Variants in XKR6 observed in about 807,000 individuals in gnomAD.
The protein encoded by XKR6 is XK-related protein 6.
In XKR6, 22 loss-of-function variants were observed where a neutral mutation model predicts 56.7. The observed-to-expected ratio is 0.39, with a 90% CI of 0.28 to 0.55. The LOEUF (loss-of-function observed/expected upper bound fraction) is 0.55, where lower values mean the gene tolerates loss of function less well. XKR6 is among the 20% of genes least tolerant of loss of function. The pLI is 0.66. For synonymous variants in XKR6, 524 were observed against 387.8 expected, an observed-to-expected ratio of 1.35 and a Z score of -4.13; for missense variants, 852 against 889.0, an observed-to-expected ratio of 0.96 and a Z score of 0.53.
At chr8:11,169,561 T>C (rs1183637219) in intron 1 of XKR6, among the ~76,000 whole-genome samples, 1 of 152,192 alleles carries the variant, frequency 6.6e-6, no homozygotes, top group Non-Finnish European at 1.5e-5. Flanking sequence ...ACAATTCCAC[T>C]TACATGAGGC....
At chr8:10,944,136 T>C (rs1407487693) in intron 1 of XKR6, among the ~76,000 whole-genome samples, 1 of 152,076 alleles carries the variant, frequency 6.6e-6, no homozygotes, top group Non-Finnish European at 1.5e-5. Flanking sequence ...TAACATCCAA[T>C]CAGAGTGCAC....
In XKR6 at chr8:10,924,688, G is replaced by C. The variant is rs1800825354; in HGVS notation, c.907C>G (p.Leu303Val). Residue 303 changes from leucine (L) to valine (V), a missense_variant, in exon 2 of 3, where the codon CTG becomes GTG. Leu to Val is a conservative substitution (Grantham distance 32). This residue lies in a region of XKR6 where 199 missense variants were observed against 280.4 expected (regional missense o/e 0.71). Transcript: ENST00000416569. ...LETFLESAPQ[L>V]VLQLYIMLQK... is the part of the protein sequence containing the mutation. ...AGCATGATGTAGAGCTGTAGCACCA[G>C]TTGGGGCGCGCTCTCCAGGAAGGTC... The C allele has an allele frequency of 1.2e-6, 2 of 1,613,310 alleles. No homozygotes were observed. Among genetic ancestry groups the C allele is most frequent in the East Asian group, 4.5e-5 (2 of 44,880 alleles).
intron 1 of XKR6, among the ~76,000 whole-genome samples, chr8:10,945,259 G>A (rs1414407286): frequency 2.6e-5 from 4 of 152,182 alleles, no homozygotes; most frequent in Admixed American, 6.5e-5. Context: ...CAAGGCAGGC[G>A]GATCACACGA....
intron 1 of XKR6, among the ~76,000 whole-genome samples, chr8:11,148,920 GA>G (rs1801128818): frequency 6.6e-6 from 1 of 152,222 alleles, no homozygotes; most frequent in South Asian, 2.1e-4. Flanking sequence ...AAACAGAAAA[GA>G]AGACAGTGTG....
intron 1 of XKR6, among the ~76,000 whole-genome samples, chr8:11,073,178 C>T (rs376641938): frequency 6.6e-6 from 1 of 152,212 alleles, no homozygotes; most frequent in African/African-American, 2.4e-5. Flanking sequence ...GATATCGTCA[C>T]CTTTCCCAAA....
intron 2 of XKR6, among the ~76,000 whole-genome samples, chr8:10,909,944 A>C (rs1451236709): frequency 6.6e-6 from 1 of 152,008 alleles, no homozygotes; most frequent in Non-Finnish European, 1.5e-5. Flanking sequence ...TTACAGTATT[A>C]AGCAAGTCTT....
intron 1 of XKR6, among the ~76,000 whole-genome samples, chr8:11,023,348 GCAGTGGCATGATCACA>G (rs1798789217): frequency 6.6e-6 from 1 of 152,204 alleles, no homozygotes; most frequent in African/African-American, 2.4e-5. Flanking sequence ...TGGCTGGAGT[GCAGTGGCATGATCACA>G]GCAAGAAATC....
intron 1 of XKR6, among the ~76,000 whole-genome samples, chr8:11,088,392 ATTTATTTGGTCCACATC>A (rs1423573961): frequency 2.0e-5 from 3 of 152,212 alleles, no homozygotes; most frequent in African/African-American, 7.2e-5. Context: ...TGCCAGCATT[ATTTATTTGGTCCACATC>A]TCACATTGCT....
chr8:11,193,132 T>C (rs975600005), intron 1 of XKR6, among the ~76,000 whole-genome samples: 1 of 152,136 alleles, frequency 6.6e-6, no homozygotes, highest in Non-Finnish European at 1.5e-5. Context: ...AAGAAAACAA[T>C]ATGTAGCTCT....
At chr8:10,904,247 A>G (rs2129107828) in intron 2 of XKR6, among the ~76,000 whole-genome samples, 1 of 152,240 alleles carries the variant, frequency 6.6e-6, no homozygotes, top group Non-Finnish European at 1.5e-5. Context: ...GTGCAGTGCC[A>G]CTGGCTGGGA....
chr8:10,952,513 G>A (rs1478448543), intron 1 of XKR6, among the ~76,000 whole-genome samples: 1 of 152,164 alleles, frequency 6.6e-6, no homozygotes, highest in Non-Finnish European at 1.5e-5. Flanking sequence ...AAGTGCAGGG[G>A]CAAGATCACA....
chr8:10,900,334 C>G (rs73533565), intron 2 of XKR6, among the ~76,000 whole-genome samples: 318 of 152,308 alleles, frequency 2.1e-3, no homozygotes, highest in African/African-American at 7.3e-3. Flanking sequence ...TGCCCAACTC[C>G]CCACAACTCT....
intron 1 of XKR6, among the ~76,000 whole-genome samples, chr8:11,167,218 G>T (rs1177503048): frequency 6.6e-6 from 1 of 152,192 alleles, no homozygotes; most frequent in Non-Finnish European, 1.5e-5. Context: ...ACAGTGAAAT[G>T]CTTACAGCAA....
At chr8:11,059,623 G>A (rs1322467321) in intron 1 of XKR6, among the ~76,000 whole-genome samples, 1 of 151,258 alleles carries the variant, frequency 6.6e-6, no homozygotes, top group Non-Finnish European at 1.5e-5. Context: ...CTGGGGGCGC[G>A]GGGGGCGCGG....
rs115460155 is a variant in XKR6 at position 11,184,012 on chromosome 8, G to A, written c.764+16564C>T. The stretch of plus-strand genomic sequence containing the variant: ...GATTCCACTGTAAGGGCAAGACTGA[G>A]CCGGCACCAGATAATATAAGCAAAT... On this transcript the variant is annotated intron_variant, in intron 1 of 2. Transcript: ENST00000416569. Among the ~76,000 whole-genome samples the A allele has an allele frequency of 6.1e-3, 935 of 152,224 alleles. 16 individuals are homozygous for A. The highest frequency in any genetic ancestry group is 0.022 in the African/African-American group (914 of 41,524).
intron 1 of XKR6, among the ~76,000 whole-genome samples, chr8:11,103,479 G>T (rs1474689156): frequency 1.3e-5 from 2 of 152,174 alleles, no homozygotes; most frequent in Non-Finnish European, 2.9e-5. Flanking sequence ...TCTGAAAGTG[G>T]AAAAACTACC....
intron 1 of XKR6, among the ~76,000 whole-genome samples, chr8:11,121,635 C>T (rs548015808): frequency 1.3e-5 from 2 of 152,338 alleles, no homozygotes; most frequent in African/African-American, 4.8e-5. Context: ...GGCGATTCCT[C>T]AGGGATCTAG....
chr8:10,898,916 C>G lies in XKR6; in HGVS notation c.962G>C (p.Cys321Ser), dbSNP rs1799960125. The G allele has an allele frequency of 6.3e-7, 1 of 1,597,766 alleles. No homozygotes were observed. The highest frequency in any genetic ancestry group is 1.7e-5 in the Admixed American group (1 of 58,548). The change falls in exon 3 of 3, where the codon TGT becomes TCT. Residue 321 changes from cysteine to serine, a missense_variant and splice_region_variant. Around this residue, in one of 4 missense-constraint regions of XKR6, gnomAD observed 199 missense variants for 280.4 expected, o/e 0.71. Transcript: ENST00000416569. This position sits in a 1 kb window ranked among gnomAD's most constrained non-coding sequence, Gnocchi z 6.6. ...CATCAGGGAAGTCACAGAGGAGACA[C>G]CTGCCGGAAAGACACAAACCCACAC... Reference protein sequence around the residue: ...LQKNSAETLPCVSSVTSLMSL... With the variant: ...LQKNSAETLPSVSSVTSLMSL...
chr8:11,089,721 T>G (rs1009263138), intron 1 of XKR6, among the ~76,000 whole-genome samples: 2 of 152,220 alleles, frequency 1.3e-5, no homozygotes, highest in Non-Finnish European at 2.9e-5. Context: ...CCACTCAGCT[T>G]TGACAAAATT....
Sources: allele counts gnomAD v4.1 joint callset (sites outside exome capture counted in the v4.1 genomes callset), GRCh38; gene constraint gnomAD v4.1.1; regional missense constraint gnomAD v4.1.1; non-coding constraint Gnocchi (gnomAD v3.1); transcripts MANE v1.5; gene names NCBI Gene and HGNC (gene_info 2026-07-23, HGNC 2026-07-21).